VEPH1: variants seen among roughly 807,000 people sequenced by gnomAD.
VEPH1 encodes the protein ventricular zone-expressed PH domain-containing protein homolog 1.
VEPH1 carries 80 observed loss-of-function variants against 85.2 expected under a neutral mutation model. That is an observed-to-expected ratio of 0.94 (90% CI 0.78 to 1.13). VEPH1 has a LOEUF of 1.13. Ranked by LOEUF, VEPH1 falls within the 50% of genes most tolerant of loss-of-function variation. The pLI, the probability that VEPH1 is intolerant of heterozygous loss-of-function variation, is 0.00. For synonymous variants in VEPH1, 297 were observed against 348.0 expected (o/e 0.85, Z 1.63); for missense variants, 955 against 980.5 (o/e 0.97, Z 0.35).
chr3:157,269,606 CTGTTTGTT>C (rs35444387), intron 12 of VEPH1, among the ~76,000 whole-genome samples: 1 of 142,984 alleles, frequency 7.0e-6, no homozygotes, highest in South Asian at 2.2e-4. Context: ...TCTTAAAAAA[CTGTTTGTT>C]TGTTTGTTTT....
intron 11 of VEPH1, among the ~76,000 whole-genome samples, 165 bp from the exon 12 acceptor site, chr3:157,286,839 A>G (rs902931151): frequency 1.7e-4 from 26 of 152,210 alleles, no homozygotes; most frequent in Non-Finnish European, 3.8e-4. Context: ...ACCTTAAAAA[A>G]AGCATTCAGC....
At chr3:157,372,513 T>TA (rs1727621670) in intron 7 of VEPH1, among the ~76,000 whole-genome samples, 1 of 152,266 alleles carries the variant, frequency 6.6e-6, no homozygotes, top group African/African-American at 2.4e-5. Flanking sequence ...TAACCCATCT[T>TA]AGAGTAGCTG....
chr3:157,453,678 C>T (rs900535626), intron 4 of VEPH1, among the ~76,000 whole-genome samples: 2 of 152,144 alleles, frequency 1.3e-5, no homozygotes, highest in Non-Finnish European at 2.9e-5. Flanking sequence ...CATGATGACT[C>T]CTCAGGCTGT....
chr3:157,397,896 C>T (rs1445222486), intron 6 of VEPH1, among the ~76,000 whole-genome samples: 1 of 152,176 alleles, frequency 6.6e-6, no homozygotes, highest in Non-Finnish European at 1.5e-5. Flanking sequence ...GGAAGATTTT[C>T]CTTTACCACT....
At chr3:157,265,851 GGAA>G (rs1310369949) in intron 12 of VEPH1, among the ~76,000 whole-genome samples, 189 bp from the exon 13 acceptor site, 2 of 152,004 alleles carry the variant, frequency 1.3e-5, no homozygotes, top group African/African-American at 4.8e-5. Context: ...ATATGACAAT[GGAA>G]AACTGTTGAA....
At chr3:157,460,087 C>A in intron 4 of VEPH1, 94 bp downstream of exon 4, 1 of 1,611,590 alleles carries the variant, frequency 6.2e-7, no homozygotes, top group Non-Finnish European at 8.5e-7. Flanking sequence ...TTCTAATACT[C>A]TAGGTCTTGC....
intron 11 of VEPH1, among the ~76,000 whole-genome samples, chr3:157,289,261 T>C (rs564125172): frequency 1.2e-4 from 18 of 152,366 alleles, no homozygotes; most frequent in African/African-American, 3.8e-4. Flanking sequence ...AAATAATACT[T>C]AAGGGTTCCT....
At chr3:157,362,432 G>A (rs1484459005) in intron 9 of VEPH1, among the ~76,000 whole-genome samples, 2 of 152,038 alleles carry the variant, frequency 1.3e-5, no homozygotes, top group African/African-American at 2.4e-5. Context: ...TTTGCCCTTC[G>A]TTTTCTGACT....
At chr3:157,351,315 G>A (rs939628735) in intron 9 of VEPH1, among the ~76,000 whole-genome samples, 6 of 152,028 alleles carry the variant, frequency 3.9e-5, no homozygotes, top group Admixed American at 2.0e-4. Context: ...GAGTGGTAGC[G>A]CACACCTGTA....
At chr3:157,344,259 G>T (rs992835386) in intron 9 of VEPH1, among the ~76,000 whole-genome samples, 1 of 152,164 alleles carries the variant, frequency 6.6e-6, no homozygotes, top group Non-Finnish European at 1.5e-5. Flanking sequence ...CAGATGACAT[G>T]ATTGTATATT....
In VEPH1 at chr3:157,428,515, A is replaced by G. The variant is rs367603206; in HGVS notation, c.530-27T>C. On this transcript the variant is annotated intron_variant, in intron 4 of 13. Coordinates refer to ENST00000362010, the MANE Select transcript of VEPH1 (RefSeq NM_001167912.2). Reference sequence around the variant, plus strand: ...TGTTGAGGGAACAATAAAGGGAATGATGACTTTATCAGGCCATGAGCAACA... The same window carrying G: ...TGTTGAGGGAACAATAAAGGGAATGGTGACTTTATCAGGCCATGAGCAACA... 3.7e-6 allele frequency: 6 copies of G among 1,604,466 alleles called. No homozygotes were observed. The African/African-American group carries it at 8.0e-5, about 21-fold the overall frequency.
At chr3:157,306,033 C>G (rs1434674328) in intron 11 of VEPH1, among the ~76,000 whole-genome samples, 1 of 151,984 alleles carries the variant, frequency 6.6e-6, no homozygotes, top group Non-Finnish European at 1.5e-5. Flanking sequence ...TCAAACCTAC[C>G]AATTCTTTAC....
intron 2 of VEPH1, among the ~76,000 whole-genome samples, chr3:157,484,531 G>T (rs895782918): frequency 3.9e-5 from 6 of 152,084 alleles, no homozygotes; most frequent in African/African-American, 1.4e-4. Flanking sequence ...AAATAAAAAA[G>T]AAAGGTGAAA....
intron 3 of VEPH1, among the ~76,000 whole-genome samples, chr3:157,461,388 G>A (rs1469794585): frequency 1.3e-5 from 2 of 152,096 alleles, no homozygotes; most frequent in Non-Finnish European, 2.9e-5. Flanking sequence ...AGTGCACAGC[G>A]TGTTTGGGAG....
At chr3:157,400,346 C>T (rs1489035452) in intron 6 of VEPH1, among the ~76,000 whole-genome samples, 1 of 151,948 alleles carries the variant, frequency 6.6e-6, no homozygotes, top group African/African-American at 2.4e-5. Context: ...GCACAGAATG[C>T]TAAAGTAAAC....
At chr3:157,309,187 C>T (rs1434264520) in intron 11 of VEPH1, among the ~76,000 whole-genome samples, 1 of 152,074 alleles carries the variant, frequency 6.6e-6, no homozygotes, top group African/African-American at 2.4e-5. Context: ...TCCCTGCTCT[C>T]ATGGAGCTTA....
At chr3:157,411,242 T>C (rs1577591571) in intron 6 of VEPH1, among the ~76,000 whole-genome samples, 3 of 152,196 alleles carry the variant, frequency 2.0e-5, no homozygotes, top group Admixed American at 6.5e-5. Flanking sequence ...TCTAGAGAGA[T>C]TGCCTTCTAG....
At chr3:157,299,613 GA>G (rs1348776577) in intron 11 of VEPH1, among the ~76,000 whole-genome samples, 1 of 149,248 alleles carries the variant, frequency 6.7e-6, no homozygotes, top group Non-Finnish European at 1.5e-5. Flanking sequence ...TCATGACTGA[GA>G]ATATAAAGTC....
At chr3:157,404,834 G>C (rs1024884829) in intron 6 of VEPH1, among the ~76,000 whole-genome samples, 7 of 152,168 alleles carry the variant, frequency 4.6e-5, no homozygotes, top group Non-Finnish European at 1.0e-4. Context: ...GCTACAGGCA[G>C]GGCAAGGACC....
Sources: allele counts gnomAD v4.1 joint callset (sites outside exome capture counted in the v4.1 genomes callset), GRCh38; gene constraint gnomAD v4.1.1; transcripts MANE v1.5; gene names NCBI Gene and HGNC (gene_info 2026-07-23, HGNC 2026-07-21).